The following C2CD5 variants were observed in gnomAD, a reference collection of about 807,000 sequenced individuals.
C2CD5 encodes C2 domain-containing protein 5.
C2CD5 carries 109 observed loss-of-function variants against 130.3 expected under a neutral mutation model. That is an observed-to-expected ratio of 0.84 (90% CI 0.72 to 0.98). The LOEUF is 0.98. C2CD5 is among the 50% of genes least tolerant of loss of function. The pLI is 0.00. For synonymous variants in C2CD5, 454 were observed against 429.2 expected (o/e 1.06, Z -0.71); for missense variants, 996 against 1,261.8 (o/e 0.79, Z 3.19).
chr12:22,467,562 A>G (rs938647650), intron 22 of C2CD5, among the ~76,000 whole-genome samples: 1 of 152,188 alleles, frequency 6.6e-6, no homozygotes. Flanking sequence ...AAACCCAACG[A>G]ATTTTAAAGG....
At chr12:22,530,593 G>C (rs549734243) in intron 3 of C2CD5, among the ~76,000 whole-genome samples, 1 of 151,800 alleles carries the variant, frequency 6.6e-6, no homozygotes, top group Non-Finnish European at 1.5e-5. Flanking sequence ...ACATAGCTGG[G>C]ATTACAGGTT....
chr12:22,482,462 A>T, intron 14 of C2CD5, 95 bp downstream of exon 14: 2 of 1,023,224 alleles, frequency 2.0e-6, no homozygotes, highest in African/African-American at 1.6e-5. Context: ...CAAAGTCTTT[A>T]GATAAGCCTT....
At chr12:22,464,548 G>A (rs1941736581) in intron 22 of C2CD5, among the ~76,000 whole-genome samples, 1 of 151,968 alleles carries the variant, frequency 6.6e-6, no homozygotes. Flanking sequence ...CAATTCTCTT[G>A]CCTTCCGTCC....
At chr12:22,483,563 A>G (rs760173647) in intron 13 of C2CD5, among the ~76,000 whole-genome samples, 4 of 152,080 alleles carry the variant, frequency 2.6e-5, no homozygotes, top group Non-Finnish European at 5.9e-5. Flanking sequence ...CAGACAGACA[A>G]AAAAAATAGC....
chr12:22,481,869 T>C (rs1944776207), intron 14 of C2CD5, among the ~76,000 whole-genome samples: 1 of 149,378 alleles, frequency 6.7e-6, no homozygotes, highest in South Asian at 2.1e-4. Context: ...TGGGCTCAAG[T>C]GATCCTCCCA....
intron 9 of C2CD5, among the ~76,000 whole-genome samples, chr12:22,510,264 A>C (rs1470883484): frequency 6.6e-6 from 1 of 152,078 alleles, no homozygotes; most frequent in African/African-American, 2.4e-5. Context: ...TCCCGCTTTC[A>C]ATGTCTAGAT....
intron 2 of C2CD5, among the ~76,000 whole-genome samples, chr12:22,539,647 T>C (rs1028235361): frequency 2.0e-5 from 3 of 152,104 alleles, no homozygotes; most frequent in Non-Finnish European, 2.9e-5. Flanking sequence ...AATGAAGACT[T>C]TTACCATGTC....
chr12:22,541,026 A>T (rs1268040990), intron 2 of C2CD5, among the ~76,000 whole-genome samples: 1 of 152,228 alleles, frequency 6.6e-6, no homozygotes, highest in African/African-American at 2.4e-5. Flanking sequence ...TGGGTCTCAC[A>T]GTTGAGAAAC....
At chr12:22,471,571 T>C (rs1360074014) in intron 19 of C2CD5, 83 bp from the exon 20 acceptor site, 5 of 682,818 alleles carry the variant, frequency 7.3e-6, no homozygotes, top group East Asian at 6.0e-5. Context: ...CATTATATTA[T>C]AGCAAATGGA....
chr12:22,532,976 G>T (rs1408027263), intron 3 of C2CD5, among the ~76,000 whole-genome samples: 1 of 152,200 alleles, frequency 6.6e-6, no homozygotes, highest in African/African-American at 2.4e-5. Context: ...GAAAATTTCA[G>T]TTCCAGCTGA....
chr12:22,454,200 T>C (rs1333718238), intron 25 of C2CD5, among the ~76,000 whole-genome samples, 158 bp from the exon 26 acceptor site: 2 of 152,202 alleles, frequency 1.3e-5, no homozygotes, highest in African/African-American at 4.8e-5. Context: ...ACTGCATGAA[T>C]GAACAAACAT....
chr12:22,493,471 T>A, intron 10 of C2CD5, 134 bp from the exon 11 acceptor site: 1 of 524,662 alleles, frequency 1.9e-6, no homozygotes. Context: ...TTCCCATCTT[T>A]AAAATGCTAC....
chr12:22,484,947 A>C, intron 12 of C2CD5, 59 bp from the exon 13 acceptor site: 1 of 808,120 alleles, frequency 1.2e-6, no homozygotes, highest in Non-Finnish European at 1.8e-6. Context: ...TTTTTCAAAA[A>C]TAATTATGTA....
At chr12:22,491,689 T>G (rs1279896184) in intron 11 of C2CD5, among the ~76,000 whole-genome samples, 1 of 151,884 alleles carries the variant, frequency 6.6e-6, no homozygotes, top group Non-Finnish European at 1.5e-5. Flanking sequence ...CTGACCAACA[T>G]GGCGAAACCC....
At chr12:22,517,715 G>A (rs1025697911) in intron 8 of C2CD5, among the ~76,000 whole-genome samples, 10 of 151,972 alleles carry the variant, frequency 6.6e-5, no homozygotes, top group Non-Finnish European at 1.2e-4. Context: ...CTTTTAATTC[G>A]AGCATAAAAT....
chr12:22,538,205 T>C (rs1952005355), intron 2 of C2CD5, among the ~76,000 whole-genome samples: 2 of 152,232 alleles, frequency 1.3e-5, no homozygotes, highest in Non-Finnish European at 2.9e-5. Context: ...AGTCATCTTT[T>C]TTTGCATAAG....
chr12:22,509,908 T>C (rs768181569), intron 9 of C2CD5, among the ~76,000 whole-genome samples: 2 of 152,148 alleles, frequency 1.3e-5, no homozygotes, highest in African/African-American at 4.8e-5. Flanking sequence ...TTCTTCTGTT[T>C]AAAAGAATAG....
intron 1 of C2CD5, 33 bp from the exon 2 acceptor site, chr12:22,544,212 C>T: frequency 3.9e-6 from 6 of 1,550,870 alleles, no homozygotes; most frequent in Non-Finnish European, 5.3e-6. Flanking sequence ...CTGCGCCGAG[C>T]GCGGGGCCGG....
At chr12:22,534,968 T>A (rs752111033) in intron 3 of C2CD5, 1 of 223,762 alleles carries the variant, frequency 4.5e-6, no homozygotes, top group Non-Finnish European at 8.6e-6. Context: ...TTTTAATCCA[T>A]ATATTATTCT....
Sources: gnomAD v4.1 joint callset for allele counts (sites outside exome capture counted in the v4.1 genomes callset) on GRCh38, gnomAD v4.1.1 for gene constraint, MANE v1.5 for transcripts, NCBI Gene and HGNC (gene_info 2026-07-23, HGNC 2026-07-21) for gene names.